The following LGSN variants were observed in gnomAD, a reference collection of about 807,000 sequenced individuals.
LGSN encodes lengsin.
LGSN carries 21 observed loss-of-function variants against 19.5 expected under a neutral mutation model. The observed-to-expected ratio is 1.07, with a 90% CI of 0.76 to 1.55. The LOEUF (loss-of-function observed/expected upper bound fraction) is 1.55. LGSN is among the 40% of genes most tolerant of loss of function. The pLI is 0.00. For synonymous variants in LGSN, 257 were observed against 215.6 expected, an observed-to-expected ratio of 1.19 and a Z score of -1.68; for missense variants, 673 against 608.5, an observed-to-expected ratio of 1.11 and a Z score of -1.12.
the LGSN span, among the ~76,000 whole-genome samples, chr6:63,412,529 G>GAAGGAAGGAAA: frequency 1.9e-4 from 6 of 32,404 alleles, no homozygotes; most frequent in South Asian, 1.2e-3. Flanking sequence ...AAAGAAAGAA[G>GAAGGAAGGAAA]GAAAGAAAGA....
At chr6:63,448,696 A>C in the LGSN span, among the ~76,000 whole-genome samples, 1 of 147,208 alleles carries the variant, frequency 6.8e-6, no homozygotes, top group Non-Finnish European at 1.5e-5. Flanking sequence ...TTTTCTTCTT[A>C]TTCTTTTTGT....
the LGSN span, among the ~76,000 whole-genome samples, chr6:63,410,127 A>C: frequency 8.8e-3 from 1,343 of 152,320 alleles, 22 homozygotes; most frequent in African/African-American, 0.031. Context: ...ATATGACATA[A>C]AATATTTAAA....
At chr6:63,377,373 C>T in the LGSN span, among the ~76,000 whole-genome samples, 1 of 152,210 alleles carries the variant, frequency 6.6e-6, no homozygotes, top group African/African-American at 2.4e-5. Context: ...TTTTCCACAG[C>T]TTTCCAGATG....
chr6:63,281,942 A>G (rs191036314), intron 3 of LGSN, among the ~76,000 whole-genome samples: 139 of 152,254 alleles, frequency 9.1e-4, no homozygotes, highest in Non-Finnish European at 1.6e-3. Context: ...GGGTGTCAAC[A>G]GATCTGCCTT....
At chr6:63,466,254 T>C in the LGSN span, among the ~76,000 whole-genome samples, 3 of 152,172 alleles carry the variant, frequency 2.0e-5, no homozygotes, top group Non-Finnish European at 2.9e-5. Flanking sequence ...AGAGTTTTTA[T>C]TTTTATTTTT....
chr6:63,405,002 G>T, the LGSN span, among the ~76,000 whole-genome samples: 3 of 127,952 alleles, frequency 2.3e-5, no homozygotes, highest in African/African-American at 9.2e-5. Context: ...TCCCCTTCCT[G>T]TGTCCATGTG....
the LGSN span, among the ~76,000 whole-genome samples, chr6:63,467,519 G>C: frequency 4.7e-4 from 71 of 152,256 alleles, 1 homozygote; most frequent in Non-Finnish European, 8.7e-4. Context: ...CACCAGGTTT[G>C]GTTTCTCCTA....
intron 1 of LGSN, among the ~76,000 whole-genome samples, chr6:63,306,196 C>A (rs968488502): frequency 2.0e-5 from 3 of 152,106 alleles, no homozygotes; most frequent in Non-Finnish European, 4.4e-5. Context: ...TTTATTATCA[C>A]CTACATTTTT....
At chr6:63,398,437 A>G in the LGSN span, among the ~76,000 whole-genome samples, 1 of 152,036 alleles carries the variant, frequency 6.6e-6, no homozygotes, top group South Asian at 2.1e-4. Flanking sequence ...AGTTTTTAAC[A>G]AAAATGCCTT....
the LGSN span, among the ~76,000 whole-genome samples, chr6:63,338,628 A>G: frequency 1.3e-5 from 2 of 151,778 alleles, no homozygotes; most frequent in Admixed American, 6.6e-5. Flanking sequence ...TATTGATTTT[A>G]TCTTTTCAGG....
intron 1 of LGSN, among the ~76,000 whole-genome samples, chr6:63,296,621 A>G (rs909172796): frequency 3.3e-5 from 5 of 152,164 alleles, no homozygotes; most frequent in Non-Finnish European, 5.9e-5. Context: ...CTTTGCTCAT[A>G]TATAATATTT....
the LGSN span, among the ~76,000 whole-genome samples, chr6:63,539,823 A>G: frequency 7.2e-5 from 11 of 152,332 alleles, no homozygotes; most frequent in East Asian, 1.9e-3. Flanking sequence ...AAAAAACTCA[A>G]AAGTTCAGCA....
At chr6:63,490,783 C>T in the LGSN span, among the ~76,000 whole-genome samples, 419 of 152,206 alleles carry the variant, frequency 2.8e-3, 2 homozygotes, top group African/African-American at 9.8e-3. Context: ...GTCTCATGAT[C>T]TGTCTGCAAG....
At chr6:63,446,772 G>A in the LGSN span, among the ~76,000 whole-genome samples, 2 of 152,132 alleles carry the variant, frequency 1.3e-5, no homozygotes, top group Non-Finnish European at 2.9e-5. Context: ...AAGTACGGCC[G>A]GGAGCAGTGG....
the LGSN span, among the ~76,000 whole-genome samples, chr6:63,544,657 T>A: frequency 6.6e-6 from 1 of 152,148 alleles, no homozygotes. Context: ...GACCTTGACG[T>A]TTCTGATTAG....
At chr6:63,525,703 T>TC in the LGSN span, among the ~76,000 whole-genome samples, 1 of 152,020 alleles carries the variant, frequency 6.6e-6, no homozygotes, top group African/African-American at 2.4e-5. Flanking sequence ...CTTTCACCTT[T>TC]CCCCCCAGGC....
the LGSN span, among the ~76,000 whole-genome samples, chr6:63,353,608 G>GA: frequency 8.4e-6 from 1 of 118,406 alleles, no homozygotes; most frequent in Non-Finnish European, 1.8e-5. Context: ...AAAAAAAAAA[G>GA]AAAAAATAAT....
the LGSN span, among the ~76,000 whole-genome samples, chr6:63,554,741 C>T: frequency 7.2e-3 from 1,091 of 152,238 alleles, 8 homozygotes; most frequent in African/African-American, 0.025. Flanking sequence ...GAGCTGAAAT[C>T]GCACCACTAC....
chr6:63,287,523 C>G lies in LGSN; in HGVS notation c.164-1770G>C, dbSNP rs150332372. 3.0e-4 allele frequency among the ~76,000 whole-genome samples: 46 copies of G among 152,202 alleles called. No individual in the cohort carries two copies. In the East Asian group the frequency reaches 8.1e-3, roughly 27 times the overall value. On this transcript the variant is annotated intron_variant, in intron 2 of 3. Transcript: ENST00000370657. ...GCCAGTTCAAGACCAGCCTGGGCAA[C>G]ATAGCAAAACCCCATTTCTACTAAA...
Sources: allele counts gnomAD v4.1 joint callset (sites outside exome capture counted in the v4.1 genomes callset), GRCh38; gene constraint gnomAD v4.1.1; transcripts MANE v1.5; gene names NCBI Gene and HGNC (gene_info 2026-07-23, HGNC 2026-07-21).